CMSS1: variants seen among roughly 807,000 people sequenced by gnomAD.
CMSS1 encodes cms1 ribosomal small subunit homolog.
In CMSS1, 33 loss-of-function variants were observed where a neutral mutation model predicts 43.5. That is an observed-to-expected ratio of 0.76 (90% CI 0.57 to 1.01). The LOEUF (loss-of-function observed/expected upper bound fraction) is 1.01. Among genes scored for constraint, CMSS1 ranks in the 50% least tolerant of loss-of-function variants. The pLI is 0.00. For missense variants in CMSS1, 313 were observed against 326.4 expected (o/e 0.96, Z 0.32); for synonymous variants, 115 against 117.2 (o/e 0.98, Z 0.12).
intron 1 of CMSS1, among the ~76,000 whole-genome samples, chr3:99,976,684 G>T (rs957653202): frequency 4.0e-5 from 6 of 151,768 alleles, no homozygotes; most frequent in African/African-American, 1.5e-4. Flanking sequence ...TTTATTTTTA[G>T]TTTTCAGTAG....
At position 100,130,697 on chromosome 3, in the gene CMSS1, T is replaced by G. The variant is rs375683280; in HGVS notation, c.65-16276T>G. 3.3e-5 allele frequency among the ~76,000 whole-genome samples: 5 copies of G among 152,252 alleles called. No individual in the cohort carries two copies. In the East Asian group the frequency reaches 9.6e-4, roughly 29 times the overall value. On this transcript the variant is annotated intron_variant, in intron 1 of 9. Coordinates refer to ENST00000421999, the MANE Select transcript of CMSS1 (RefSeq NM_032359.4). ...GTTGTAATATAGCTATGCATACTCC[T>G]TTACATATTCTCAATGGCTTACATA...
intron 1 of CMSS1, among the ~76,000 whole-genome samples, chr3:99,864,268 A>T (rs1944404209): frequency 6.6e-6 from 1 of 152,194 alleles, no homozygotes; most frequent in African/African-American, 2.4e-5. Flanking sequence ...ATGCAAGGCC[A>T]TCATTATGGT....
intron 1 of CMSS1, among the ~76,000 whole-genome samples, chr3:100,131,574 C>A (rs923215051): frequency 6.6e-6 from 1 of 152,202 alleles, no homozygotes; most frequent in African/African-American, 2.4e-5. Flanking sequence ...TCTCTACTGA[C>A]CCCCATCCAG....
At chr3:99,949,857 A>G (rs1708123844) in intron 1 of CMSS1, among the ~76,000 whole-genome samples, 1 of 152,214 alleles carries the variant, frequency 6.6e-6, no homozygotes, top group Non-Finnish European at 1.5e-5. Context: ...CTTAAAATCC[A>G]TCACAATTAT....
chr3:100,151,384 G>A (rs1301757840), intron 2 of CMSS1, among the ~76,000 whole-genome samples: 1 of 152,184 alleles, frequency 6.6e-6, no homozygotes, highest in East Asian at 1.9e-4. Flanking sequence ...TCAGGTACCA[G>A]CCAAGTTGTG....
chr3:99,881,033 G>A (rs1022876797), intron 1 of CMSS1, among the ~76,000 whole-genome samples: 1 of 152,150 alleles, frequency 6.6e-6, no homozygotes, highest in Non-Finnish European at 1.5e-5. Context: ...ACTACTGCCT[G>A]TTGGCCCCCT....
chr3:100,145,302 G>A (rs932501767), intron 1 of CMSS1, among the ~76,000 whole-genome samples: 6 of 152,158 alleles, frequency 3.9e-5, no homozygotes, highest in Admixed American at 6.5e-5. Flanking sequence ...TTAGCCAGGC[G>A]CCAGGCATGG....
At chr3:99,959,285 G>T (rs1200730767) in intron 1 of CMSS1, among the ~76,000 whole-genome samples, 1 of 152,138 alleles carries the variant, frequency 6.6e-6, no homozygotes, top group Non-Finnish European at 1.5e-5. Flanking sequence ...GAGTAGTTGG[G>T]ATTACAGATG....
At chr3:100,061,690 T>TCATTTAACC (rs1322232200) in intron 1 of CMSS1, among the ~76,000 whole-genome samples, 1 of 152,232 alleles carries the variant, frequency 6.6e-6, no homozygotes, top group Non-Finnish European at 1.5e-5. Flanking sequence ...TTCATTTAAT[T>TCATTTAACC]CATTTAACCC....
chr3:99,969,670 GA>G (rs1708757596), intron 1 of CMSS1, among the ~76,000 whole-genome samples: 1 of 152,156 alleles, frequency 6.6e-6, no homozygotes, highest in Non-Finnish European at 1.5e-5. Flanking sequence ...AGCCTGGAAG[GA>G]TCAGAGATTG....
rs577365376 is a variant in CMSS1 at position 100,058,197 on chromosome 3, A to G, written c.65-88776A>G. Among the ~76,000 whole-genome samples, 4 of 152,356 alleles carry G rather than the reference A, an allele frequency of 2.6e-5. No individual in the cohort carries two copies. In the East Asian group the frequency reaches 5.8e-4, roughly 22 times the overall value. ...TCTGTCTGACTCTAGAGCCTATGCT[A>G]TTACTCTCTATACCCTACTGCCTCT... is the stretch of plus-strand genomic sequence containing the variant. On this transcript the variant is annotated intron_variant, in intron 1 of 9. Transcript: ENST00000421999.
chr3:99,882,331 C>G (rs1705756021), intron 1 of CMSS1, among the ~76,000 whole-genome samples: 1 of 152,050 alleles, frequency 6.6e-6, no homozygotes, highest in African/African-American at 2.4e-5. Flanking sequence ...TTCCTTTTGT[C>G]TGGCAACTTC....
At chr3:100,167,913 A>G (rs2067078416) in intron 6 of CMSS1, 73 bp downstream of exon 6, 7 of 1,028,416 alleles carry the variant, frequency 6.8e-6, no homozygotes, top group African/African-American at 3.2e-5. Flanking sequence ...ATTATGTTCT[A>G]TGTGCTGGAG....
At chr3:99,954,036 A>C (rs1318880108) in intron 1 of CMSS1, among the ~76,000 whole-genome samples, 1 of 152,222 alleles carries the variant, frequency 6.6e-6, no homozygotes, top group East Asian at 1.9e-4. Context: ...CTTGTTGTAC[A>C]TGTGACCCTC....
intron 1 of CMSS1, among the ~76,000 whole-genome samples, chr3:99,854,333 A>G (rs752494014): frequency 2.6e-5 from 4 of 152,210 alleles, no homozygotes; most frequent in African/African-American, 7.2e-5. Flanking sequence ...GCAGGTTATC[A>G]TGAACTCTCG....
At chr3:99,996,670 G>A (rs1396127295) in intron 1 of CMSS1, among the ~76,000 whole-genome samples, 1 of 152,078 alleles carries the variant, frequency 6.6e-6, no homozygotes, top group African/African-American at 2.4e-5. Flanking sequence ...GGAGGCAAAA[G>A]GCGCTTCTTA....
intron 1 of CMSS1, chr3:99,848,971 A>C (rs1173974919): frequency 1.9e-6 from 3 of 1,614,020 alleles, no homozygotes; most frequent in Non-Finnish European, 2.5e-6. Context: ...CTTTATATGA[A>C]GTGGCTGCCC....
intron 2 of CMSS1, among the ~76,000 whole-genome samples, chr3:100,150,699 G>A: frequency 6.6e-6 from 1 of 152,122 alleles, no homozygotes; most frequent in East Asian, 1.9e-4. Context: ...GCTTAATAAT[G>A]TGAGTATAAA....
At chr3:100,076,755 T>C (rs1014883902) in intron 1 of CMSS1, among the ~76,000 whole-genome samples, 1 of 152,258 alleles carries the variant, frequency 6.6e-6, no homozygotes, top group African/African-American at 2.4e-5. Flanking sequence ...GAGGAACTTA[T>C]TAATGTAACG....
Sources: allele counts gnomAD v4.1 joint callset (sites outside exome capture counted in the v4.1 genomes callset), GRCh38; gene constraint gnomAD v4.1.1; transcripts MANE v1.5; gene names NCBI Gene and HGNC (gene_info 2026-07-23, HGNC 2026-07-21).